Variants in RPA3 observed in about 807,000 individuals in gnomAD.
RPA3 encodes the protein replication protein A 14 kDa subunit.
Under a neutral mutation model 13.7 loss-of-function variants are expected in RPA3, and 24 were observed. The ratio of observed to expected loss-of-function variants is 1.75; its 90% confidence interval spans 1.27 to 2.46. The LOEUF (loss-of-function observed/expected upper bound fraction) is 2.46, where lower values mean the gene tolerates loss of function less well. RPA3 is among the 30% of genes most tolerant of loss of function. The pLI is 0.00. For synonymous variants in RPA3, 59 were observed against 51.2 expected, an observed-to-expected ratio of 1.15 and a Z score of -0.65; for missense variants, 183 against 151.0, an observed-to-expected ratio of 1.21 and a Z score of -1.11.
At chr7:7,671,280 C>T (rs1433523999) in intron 4 of RPA3, among the ~76,000 whole-genome samples, 2 of 152,130 alleles carry the variant, frequency 1.3e-5, no homozygotes, top group African/African-American at 4.8e-5. Context: ...ATCTTTTTCA[C>T]CTCTGTGCAT....
At chr7:7,675,289 C>T (rs755873499) in intron 4 of RPA3, among the ~76,000 whole-genome samples, 2 of 152,178 alleles carry the variant, frequency 1.3e-5, no homozygotes, top group Non-Finnish European at 2.9e-5. Flanking sequence ...AATGCTGGAC[C>T]TTAAACTTTT....
intron 2 of RPA3, among the ~76,000 whole-genome samples, chr7:7,688,838 T>C (rs1210764301): frequency 6.6e-6 from 1 of 152,212 alleles, no homozygotes; most frequent in Admixed American, 6.5e-5. Flanking sequence ...TTAATAGCTT[T>C]TGTAATGACT....
chr7:7,710,012 A>AC (rs1409482879), intron 2 of RPA3, among the ~76,000 whole-genome samples: 2 of 152,138 alleles, frequency 1.3e-5, no homozygotes, highest in Non-Finnish European at 2.9e-5. Context: ...ATGTTTTACA[A>AC]CCATATATAA....
intron 4 of RPA3, among the ~76,000 whole-genome samples, chr7:7,669,158 T>A (rs556269352): frequency 9.9e-5 from 15 of 152,072 alleles, no homozygotes; most frequent in African/African-American, 2.9e-4. Context: ...GGAAAAAACA[T>A]ACTGTATATA....
rs553616303 is a variant in RPA3, at chr7:7,717,882, CAT to C, written c.-1080+631_-1080+632del. ...TAATTATCAAATTGACACATTATGT[CAT>C]GTGAAAATCTGTTTACCAAACTTTT... On this transcript the variant is annotated intron_variant, in intron 1 of 7. Transcript: ENST00000223129. Among the ~76,000 whole-genome samples, 234 of 152,258 alleles carry C rather than the reference CAT, an allele frequency of 1.5e-3. 1 individual carries two copies. Among genetic ancestry groups the C allele is most frequent in the African/African-American group, 5.3e-3 (219 of 41,544 alleles).
At position 7,655,314 on chromosome 7, in the gene RPA3, C is replaced by T. The variant is rs184159501; in HGVS notation, c.-757-14139G>A. Among the ~76,000 whole-genome samples, 222 of 152,058 alleles carry T rather than the reference C, an allele frequency of 1.5e-3. 2 individuals carry two copies. Among genetic ancestry groups the T allele is most frequent in the Middle Eastern group, 3.4e-3 (1 of 294 alleles). On this transcript the variant is annotated intron_variant, in intron 4 of 7. Coordinates refer to ENST00000223129, the MANE Select transcript of RPA3 (RefSeq NM_002947.5). Reference sequence around the variant, plus strand: ...TTAAGGATTTCATGTTTGAAATCCACGTGTCTCATTTGGAAAAAGCTTTTC... The same window carrying T: ...TTAAGGATTTCATGTTTGAAATCCATGTGTCTCATTTGGAAAAAGCTTTTC...
intron 4 of RPA3, among the ~76,000 whole-genome samples, chr7:7,675,791 A>T (rs1268194618): frequency 6.6e-6 from 1 of 152,144 alleles, no homozygotes; most frequent in African/African-American, 2.4e-5. Context: ...TAGCAGTTTA[A>T]TTTGCAGTGC....
At chr7:7,705,054 A>G (rs926508578) in intron 2 of RPA3, among the ~76,000 whole-genome samples, 1 of 152,252 alleles carries the variant, frequency 6.6e-6, no homozygotes, top group African/African-American at 2.4e-5. Context: ...AGGACTACTG[A>G]CATTCTTTCT....
rs529354692 is a variant in RPA3, at chr7:7,686,472, A to G, written c.-926-474T>C. Reference sequence around the variant, plus strand: ...TTTTTTAAAAATGTAGATAATTTTTATAGTTTCAGCAAGATTGAGAATTAT... The same window carrying G: ...TTTTTTAAAAATGTAGATAATTTTTGTAGTTTCAGCAAGATTGAGAATTAT... On this transcript the variant is annotated intron_variant, in intron 3 of 7. Transcript: ENST00000223129. 4.6e-5 allele frequency among the ~76,000 whole-genome samples: 7 copies of G among 152,326 alleles called. No homozygotes were observed. The East Asian group carries it at 1.3e-3, about 29-fold the overall frequency.
chr7:7,678,367 T>G (rs1779801869), intron 4 of RPA3, among the ~76,000 whole-genome samples: 1 of 148,990 alleles, frequency 6.7e-6, no homozygotes, highest in South Asian at 2.1e-4. Context: ...AATATGCCTA[T>G]TGGTCATTTT....
intron 2 of RPA3, among the ~76,000 whole-genome samples, chr7:7,688,799 C>G (rs1007054406): frequency 1.3e-5 from 2 of 152,166 alleles, no homozygotes; most frequent in Non-Finnish European, 2.9e-5. Flanking sequence ...ACATGACTAT[C>G]AAAAAGCTGA....
chr7:7,676,274 C>T (rs1301612400), intron 4 of RPA3: 2 of 397,484 alleles, frequency 5.0e-6, no homozygotes, highest in East Asian at 3.6e-5. Context: ...GTACCTACCC[C>T]ATGAAGTTAT....
At chr7:7,715,850 A>C (rs544746990) in intron 1 of RPA3, among the ~76,000 whole-genome samples, 1 of 152,238 alleles carries the variant, frequency 6.6e-6, no homozygotes, top group East Asian at 1.9e-4. Flanking sequence ...AAACATTTAA[A>C]AAATAGTATC....
intron 4 of RPA3, among the ~76,000 whole-genome samples, chr7:7,678,291 AGAT>A (rs1779799394): frequency 1.3e-5 from 2 of 151,514 alleles, no homozygotes; most frequent in African/African-American, 2.4e-5. Context: ...AACTGGGTTG[AGAT>A]GATATCTCAT....
At chr7:7,678,595 C>T (rs1168621250) in intron 4 of RPA3, among the ~76,000 whole-genome samples, 1 of 129,370 alleles carries the variant, frequency 7.7e-6, no homozygotes, top group African/African-American at 2.9e-5. Context: ...TATTTATATA[C>T]TTAATTTATA....
chr7:7,693,772 A>T (rs542836847), intron 2 of RPA3, among the ~76,000 whole-genome samples: 3 of 152,164 alleles, frequency 2.0e-5, no homozygotes, highest in Non-Finnish European at 4.4e-5. Context: ...ATTTTGTAAG[A>T]TGTTTATGTG....
At position 7,636,651 on chromosome 7, in the gene RPA3, G is replaced by A. The variant is rs1784872181; in HGVS notation, c.*349C>T. ...TGGTAGGTCTAAATCTTGACCTTAT[G>A]GCTATGAAATTTCAAGTTTGTGCTT... is the stretch of plus-strand genomic sequence containing the variant. On this transcript the variant is annotated 3_prime_UTR_variant, in exon 8 of 8. Coordinates refer to ENST00000223129, the MANE Select transcript of RPA3 (RefSeq NM_002947.5). The A allele has an allele frequency of 5.1e-6, 1 of 196,008 alleles. No individual in the cohort carries two copies. Among genetic ancestry groups the A allele is most frequent in the African/African-American group, 2.4e-5 (1 of 42,122 alleles). 12.1% of individuals were successfully genotyped at this position (196,008 alleles called of 1,614,324 possible).
chr7:7,643,185 T>A (rs1785014326), intron 4 of RPA3, among the ~76,000 whole-genome samples: 1 of 152,150 alleles, frequency 6.6e-6, no homozygotes, highest in South Asian at 2.1e-4. Context: ...GTTATCAAAA[T>A]GTTAATTGAA....
chr7:7,664,019 C>T (rs1779368477), intron 4 of RPA3, among the ~76,000 whole-genome samples: 1 of 152,162 alleles, frequency 6.6e-6, no homozygotes, highest in African/African-American at 2.4e-5. Flanking sequence ...AACACTTTGC[C>T]ACCTGAAGGC....
Sources: gnomAD v4.1 joint callset for allele counts (sites outside exome capture counted in the v4.1 genomes callset) on GRCh38, gnomAD v4.1.1 for gene constraint, MANE v1.5 for transcripts, NCBI Gene and HGNC (gene_info 2026-07-23, HGNC 2026-07-21) for gene names.